IHO1: variants seen among roughly 807,000 people sequenced by gnomAD.
IHO1 encodes the protein interactor of HORMAD1 protein 1.
IHO1 carries 13 observed loss-of-function variants against 31.0 expected under a neutral mutation model. That is an observed-to-expected ratio of 0.42 (90% confidence interval 0.27 to 0.67). The LOEUF is 0.67. Ranked by LOEUF, IHO1 falls within the 30% of genes least tolerant of loss-of-function variation. IHO1 has a pLI of 0.24. For missense variants in IHO1, 599 were observed against 687.5 expected, an observed-to-expected ratio of 0.87 and a Z score of 1.44; for synonymous variants, 221 against 248.4, an observed-to-expected ratio of 0.89 and a Z score of 1.04.
chr3:49,244,444 A>G lies in IHO1; in HGVS notation c.436A>G (p.Ile146Val). ...CTTTGTTTCTAATGTTAGAGAAAGC[A>G]TTCTCAGGGTAAGTACAGATACTTT... The part of the protein sequence containing the change: ...YNFVSNVRES[I>V]LRLQTSVEKS... Residue 146 changes from isoleucine to valine, a missense_variant, in exon 5 of 8, where the codon ATT becomes GTT. Transcript: ENST00000452691. 1 of 1,560,802 alleles carries G rather than the reference A, an allele frequency of 6.4e-7. No homozygotes were observed. Among genetic ancestry groups the G allele is most frequent in the Non-Finnish European group, 8.7e-7 (1 of 1,145,904 alleles).
chr3:49,231,367 G>A (rs532094707), intron 2 of IHO1, among the ~76,000 whole-genome samples: 4 of 152,184 alleles, frequency 2.6e-5, no homozygotes, highest in East Asian at 1.9e-4. Flanking sequence ...CTAAAATAAC[G>A]AAATTTAAAC....
chr3:49,202,743 T>G (rs907982894), intron 1 of IHO1, among the ~76,000 whole-genome samples: 1 of 151,628 alleles, frequency 6.6e-6, no homozygotes, highest in Non-Finnish European at 1.5e-5. Context: ...TGGCGCAGTC[T>G]TGGCTCACTG....
chr3:49,253,672 T>G (rs891250306), intron 6 of IHO1, among the ~76,000 whole-genome samples: 3 of 152,118 alleles, frequency 2.0e-5, no homozygotes, highest in African/African-American at 7.2e-5. Context: ...TAGGGAAATC[T>G]TACCCCTGAG....
At position 49,212,748 on chromosome 3, in the gene IHO1, A is replaced by C. The variant is rs2046238526; in HGVS notation, c.56+912A>C. 3.3e-5 allele frequency among the ~76,000 whole-genome samples: 5 copies of C among 152,074 alleles called. No homozygotes were observed. In the South Asian group the frequency reaches 1.0e-3, roughly 31 times the overall value. On this transcript the variant is annotated intron_variant, in intron 2 of 7. Transcript: ENST00000452691. ...TGGGGTCTTGCTGGCTCAGGAGTGA[A>C]GCTGCAGACCTTTGCGGTGAGTGTT... is the stretch of plus-strand genomic sequence containing the variant.
At chr3:49,191,553 G>A in the IHO1 span, 1 of 703,718 alleles carries the variant, frequency 1.4e-6, no homozygotes, top group Non-Finnish European at 2.6e-6. Flanking sequence ...CATGGAAGGG[G>A]GCAAAGTGTT....
chr3:49,200,475 AAAAGAAAGAAAGAAAGAAAG>A (rs1553615438), intron 1 of IHO1: 6 of 107,084 alleles, frequency 5.6e-5, no homozygotes, highest in African/African-American at 3.0e-4. Context: ...AAAAAAAAAA[AAAAGAAAGAAAGAAAGAAAG>A]AAAGAAAGAA....
chr3:49,252,246 G>C (rs1455628830), intron 6 of IHO1: 1 of 157,018 alleles, frequency 6.4e-6, no homozygotes. Flanking sequence ...GCCATTTTCT[G>C]TTGTTATCCA....
intron 1 of IHO1, among the ~76,000 whole-genome samples, chr3:49,208,967 A>T (rs1438560603): frequency 1.3e-5 from 2 of 152,246 alleles, no homozygotes. Context: ...TTGAACAGTC[A>T]TGACTGAATA....
intron 2 of IHO1, among the ~76,000 whole-genome samples, chr3:49,233,199 G>A (rs898053158): frequency 6.6e-6 from 1 of 152,178 alleles, no homozygotes; most frequent in African/African-American, 2.4e-5. Context: ...CGGTCAGATG[G>A]TAGAAATTGT....
At chr3:49,223,178 C>G (rs1003604191) in intron 2 of IHO1, among the ~76,000 whole-genome samples, 3 of 152,192 alleles carry the variant, frequency 2.0e-5, no homozygotes, top group African/African-American at 7.2e-5. Context: ...TTCATATGGA[C>G]TGAGCCCCAT....
intron 6 of IHO1, among the ~76,000 whole-genome samples, chr3:49,253,580 CT>C: frequency 6.6e-6 from 1 of 152,256 alleles, no homozygotes; most frequent in Non-Finnish European, 1.5e-5. Flanking sequence ...CTCAATTCCT[CT>C]GTTTGGAACG....
chr3:49,233,468 C>A (rs956726398), intron 2 of IHO1, among the ~76,000 whole-genome samples: 1 of 152,168 alleles, frequency 6.6e-6, no homozygotes, highest in Non-Finnish European at 1.5e-5. Flanking sequence ...ATGCCAGGAA[C>A]TGGAGGGTTT....
chr3:49,257,373 C>A lies in IHO1; in HGVS notation c.*91C>A. The stretch of plus-strand genomic sequence containing the variant: ...ACAGCAGAAAGTCCCTGAAGCCTGC[C>A]AAGTACCCAGGGTCAGAGGCCCTGC... On this transcript the variant is annotated 3_prime_UTR_variant, in exon 8 of 8. Coordinates refer to ENST00000452691, the MANE Select transcript of IHO1 (RefSeq NM_001135197.2). 1 of 1,312,856 alleles carries A rather than the reference C, an allele frequency of 7.6e-7. No homozygotes were observed. Among genetic ancestry groups the A allele is most frequent in the Non-Finnish European group, 1.1e-6 (1 of 939,656 alleles). 81.3% of individuals were successfully genotyped at this position (1,312,856 alleles called of 1,614,324 possible). A position where few individuals can be genotyped will look rare whatever the true frequency, so the allele number is the denominator to read the frequency against.
chr3:49,199,338 T>A (rs1018123599), upstream of IHO1, among the ~76,000 whole-genome samples: 1 of 151,944 alleles, frequency 6.6e-6, no homozygotes, highest in African/African-American at 2.4e-5. Flanking sequence ...CTGGACGGAA[T>A]CCCAGTTGGT....
intron 4 of IHO1, among the ~76,000 whole-genome samples, chr3:49,241,645 G>A (rs961686527): frequency 8.0e-5 from 12 of 150,884 alleles, no homozygotes; most frequent in African/African-American, 1.2e-4. Flanking sequence ...TTTTTTTGAC[G>A]GAGTCTTGCT....
intron 1 of IHO1, among the ~76,000 whole-genome samples, chr3:49,204,889 G>A (rs565495417): frequency 1.3e-5 from 2 of 152,170 alleles, no homozygotes; most frequent in African/African-American, 2.4e-5. Context: ...TTAGTCGGGC[G>A]TGGTGGCAGG....
upstream of IHO1, among the ~76,000 whole-genome samples, chr3:49,193,725 A>G (rs1233778571): frequency 5.9e-5 from 8 of 134,624 alleles, no homozygotes; most frequent in Admixed American, 6.7e-4. Context: ...GCATTCTGGG[A>G]GGCCAAGGTG....
chr3:49,229,739 A>G (rs567116141), intron 2 of IHO1, among the ~76,000 whole-genome samples: 2 of 152,350 alleles, frequency 1.3e-5, no homozygotes, highest in East Asian at 3.9e-4. Flanking sequence ...AATTTAACAT[A>G]GTTGGAGTTG....
chr3:49,209,927 A>AGGATAGTCTC (rs1198319047), intron 1 of IHO1, among the ~76,000 whole-genome samples: 1 of 151,696 alleles, frequency 6.6e-6, no homozygotes, highest in Non-Finnish European at 1.5e-5. Flanking sequence ...CGTGTTAACC[A>AGGATAGTCTC]GGATAGTCTC....
Sources: gnomAD v4.1 joint callset for allele counts (sites outside exome capture counted in the v4.1 genomes callset) on GRCh38, gnomAD v4.1.1 for gene constraint, MANE v1.5 for transcripts, NCBI Gene and HGNC (gene_info 2026-07-23, HGNC 2026-07-21) for gene names.